The following SPTLC1 variants were observed in gnomAD, a reference collection of about 807,000 sequenced individuals.
SPTLC1 encodes the protein serine palmitoyltransferase long chain base subunit 1.
A neutral mutation model predicts 68.9 loss-of-function variants in SPTLC1; 55 were observed. That is an observed-to-expected ratio of 0.80 (90% CI 0.64 to 1.00). The LOEUF (loss-of-function observed/expected upper bound fraction) is 1.00, where lower values mean the gene tolerates loss of function less well. Ranked by LOEUF, SPTLC1 falls within the 50% of genes least tolerant of loss-of-function variation. The probability of loss-of-function intolerance (pLI) is 0.00; values close to 1 mark genes in which losing one functional copy is unlikely to be tolerated. For missense variants in SPTLC1, 449 were observed against 573.1 expected (o/e 0.78, Z 2.21); for synonymous variants, 197 against 201.6 (o/e 0.98, Z 0.19).
chr9:92,086,938 G>C (rs1201005534), intron 3 of SPTLC1, among the ~76,000 whole-genome samples: 5 of 151,662 alleles, frequency 3.3e-5, no homozygotes, highest in Non-Finnish European at 7.4e-5. Flanking sequence ...GGCTTTGTTT[G>C]TTTCTTTTTA....
At position 92,032,300 on chromosome 9, in the gene SPTLC1, AT is replaced by A. The variant is rs1316289997; in HGVS notation, c.*164del. ...TGTTTTCTTTTTAAAAAAAATAAGC[AT>A]CCTTCTCATGGTCACACAATTGGTC... On this transcript the variant is annotated 3_prime_UTR_variant, in exon 15 of 15. Coordinates refer to ENST00000262554, the MANE Select transcript of SPTLC1 (RefSeq NM_006415.4). 1 of 1,536,534 alleles carries A rather than the reference AT, an allele frequency of 6.5e-7. No individual in the cohort carries two copies. Among genetic ancestry groups the A allele is most frequent in the Non-Finnish European group, 8.7e-7 (1 of 1,146,468 alleles).
intron 13 of SPTLC1, among the ~76,000 whole-genome samples, chr9:92,035,385 G>A (rs1833108674): frequency 6.6e-6 from 1 of 152,174 alleles, no homozygotes. Context: ...TCTGGGCATG[G>A]TGCCACTGGG....
At chr9:92,063,252 A>AAG (rs1834164905) in intron 6 of SPTLC1, among the ~76,000 whole-genome samples, 2 of 152,194 alleles carry the variant, frequency 1.3e-5, no homozygotes, top group Admixed American at 1.3e-4. Context: ...CCACACATGT[A>AAG]CATCTGACAA....
intron 13 of SPTLC1, 110 bp from the exon 14 acceptor site, chr9:92,034,993 T>C: frequency 1.1e-6 from 1 of 913,364 alleles, no homozygotes; most frequent in Non-Finnish European, 1.8e-6. Flanking sequence ...CTTTTCCAAT[T>C]ATAATTGCTA....
intron 7 of SPTLC1, 126 bp from the exon 8 acceptor site, chr9:92,055,620 G>T: frequency 1.0e-6 from 1 of 970,870 alleles, no homozygotes; most frequent in Non-Finnish European, 1.6e-6. Flanking sequence ...TGAATTGAAA[G>T]CTCAGTGTTT....
intron 6 of SPTLC1, among the ~76,000 whole-genome samples, chr9:92,061,312 T>G (rs1475839237): frequency 6.6e-6 from 1 of 152,178 alleles, no homozygotes; most frequent in Non-Finnish European, 1.5e-5. Context: ...AGATTTTTCA[T>G]CAGAAACCAG....
At chr9:92,039,519 A>G (rs1015541073) in intron 12 of SPTLC1, among the ~76,000 whole-genome samples, 2 of 152,176 alleles carry the variant, frequency 1.3e-5, no homozygotes, top group African/African-American at 4.8e-5. Flanking sequence ...AGGTTCATTT[A>G]AAGTCTATTT....
rs1390592573 is a variant in SPTLC1, at chr9:92,112,472, A to G, written c.148T>C (p.Ser50Pro). The G allele has an allele frequency of 2.5e-6, 4 of 1,604,332 alleles. No individual in the cohort carries two copies. Among genetic ancestry groups the G allele is most frequent in the Admixed American group, 1.7e-5 (1 of 59,988 alleles). Residue 50 changes from serine (S) to proline (P), a missense_variant, in exon 2 of 15, where the codon TCT becomes CCT. Coordinates refer to ENST00000262554, the MANE Select transcript of SPTLC1 (RefSeq NM_006415.4). ...TTTCGTACCTTGACTGTAAGATCAG[A>G]TCGTTCTTGTAATTTGTAAGTCTTA... ...FSKTYKLQER[S>P]DLTVKEKEEL...
At chr9:92,099,305 A>G (rs183254208) in intron 3 of SPTLC1, among the ~76,000 whole-genome samples, 77 of 152,272 alleles carry the variant, frequency 5.1e-4, no homozygotes, top group African/African-American at 1.8e-3. Context: ...AAGGCATGAC[A>G]GGAGCTATTC....
chr9:92,095,863 T>C (rs1835509969), intron 3 of SPTLC1, among the ~76,000 whole-genome samples: 1 of 152,136 alleles, frequency 6.6e-6, no homozygotes, highest in Non-Finnish European at 1.5e-5. Context: ...GCTCCCAAAC[T>C]GGGGCACCAG....
chr9:92,093,718 C>T (rs1348113377), intron 3 of SPTLC1, among the ~76,000 whole-genome samples: 1 of 152,176 alleles, frequency 6.6e-6, no homozygotes, highest in Non-Finnish European at 1.5e-5. Context: ...AAACTACAAA[C>T]TCAATGCAAT....
chr9:92,032,346 A>G lies in SPTLC1; in HGVS notation c.*119T>C. ...TTGGTCCATACTGACACCATTTGGTAACAATCCTATCAAAGATCCACATGT... is the reference window on the plus strand; with the variant it reads ...TTGGTCCATACTGACACCATTTGGTGACAATCCTATCAAAGATCCACATGT... On this transcript the variant is annotated 3_prime_UTR_variant, in exon 15 of 15. Coordinates refer to ENST00000262554, the MANE Select transcript of SPTLC1 (RefSeq NM_006415.4). The G allele has an allele frequency of 1.3e-6, 2 of 1,568,374 alleles. No individual in the cohort carries two copies. The highest frequency in any genetic ancestry group is 1.7e-6 in the Non-Finnish European group (2 of 1,160,078).
intron 5 of SPTLC1, among the ~76,000 whole-genome samples, chr9:92,075,005 T>C (rs1055298643): frequency 2.6e-5 from 4 of 152,096 alleles, no homozygotes; most frequent in Non-Finnish European, 5.9e-5. Context: ...CCCACACTAC[T>C]TTAGCCAGGC....
chr9:92,037,552 C>A (rs948679334), intron 13 of SPTLC1, among the ~76,000 whole-genome samples: 1 of 152,146 alleles, frequency 6.6e-6, no homozygotes, highest in East Asian at 1.9e-4. Context: ...TCTTCCTCCC[C>A]CTTTTAAAGA....
rs757288985 is a variant in SPTLC1 at position 92,115,361 on chromosome 9, C to T, written c.10G>A (p.Ala4Thr). Residue 4 changes from alanine (A) to threonine (T), a missense_variant, in exon 1 of 15, where the codon GCC becomes ACC. Around this residue, in one of 3 missense-constraint regions of SPTLC1, gnomAD observed 46 missense variants for 57.8 expected, o/e 0.80. Transcript: ENST00000262554. Reference protein sequence around the residue: MATATEQWVLVEMV... With the variant: MATTTEQWVLVEMV... ...TCCACCAGAACCCACTGCTCCGTGGCGGTCGCCATAGTTAGCCGCTTCCTT... is the reference window on the plus strand; with the variant it reads ...TCCACCAGAACCCACTGCTCCGTGGTGGTCGCCATAGTTAGCCGCTTCCTT... The T allele has an allele frequency of 5.0e-6, 8 of 1,612,966 alleles. No homozygotes were observed. The highest frequency in any genetic ancestry group is 2.2e-5 in the South Asian group (2 of 91,074).
intron 3 of SPTLC1, among the ~76,000 whole-genome samples, chr9:92,097,202 A>C (rs936983323): frequency 1.3e-5 from 2 of 152,214 alleles, no homozygotes; most frequent in Admixed American, 6.5e-5. Flanking sequence ...TGTAAACCTC[A>C]TATGTAGCTA....
intron 5 of SPTLC1, among the ~76,000 whole-genome samples, chr9:92,073,775 G>A (rs994797214): frequency 6.6e-6 from 1 of 152,202 alleles, no homozygotes; most frequent in Non-Finnish European, 1.5e-5. Context: ...GCGGCAGCGC[G>A]CCTTTCAGAA....
rs759139179 is a variant in SPTLC1, at chr9:92,032,286, TA to T, written c.*178del. 2.5e-4 allele frequency: 380 copies of T among 1,532,466 alleles called. No individual in the cohort carries two copies. Among genetic ancestry groups the T allele is most frequent in the Non-Finnish European group, 3.0e-4 (340 of 1,145,104 alleles). The allele number at this position is 1,532,466 out of a possible 1,614,324, so 94.9% of individuals were successfully genotyped here. ...TGGGCTTTTAGATGTGTTTTCTTTT[TA>T]AAAAAAATAAGCATCCTTCTCATGG... On this transcript the variant is annotated 3_prime_UTR_variant, in exon 15 of 15. Transcript: ENST00000262554.
intron 3 of SPTLC1, among the ~76,000 whole-genome samples, chr9:92,086,416 G>C (rs1587581421): frequency 6.6e-6 from 1 of 152,258 alleles, no homozygotes; most frequent in East Asian, 1.9e-4. Context: ...CTTCCTTCAG[G>C]AGCTCTTTTA....
Sources: allele counts gnomAD v4.1 joint callset (sites outside exome capture counted in the v4.1 genomes callset), GRCh38; gene constraint gnomAD v4.1.1; regional missense constraint gnomAD v4.1.1; transcripts MANE v1.5; gene names NCBI Gene and HGNC (gene_info 2026-07-23, HGNC 2026-07-21).